TRDN: variants seen among roughly 807,000 people sequenced by gnomAD.
TRDN encodes triadin, also known as triadin in skeletal muscle.
A neutral mutation model predicts 149.7 loss-of-function variants in TRDN; 161 were observed. That is an observed-to-expected ratio of 1.08 (90% CI 0.95 to 1.23). TRDN has a LOEUF of 1.23. TRDN is among the 50% of genes most tolerant of loss of function. The pLI, the probability that TRDN is intolerant of heterozygous loss-of-function variation, is 0.00. For missense variants in TRDN, 896 were observed against 823.5 expected (o/e 1.09, Z -1.08); for synonymous variants, 294 against 250.5 (o/e 1.17, Z -1.64).
intron 20 of TRDN, among the ~76,000 whole-genome samples, chr6:123,358,190 A>G (rs1279030937): frequency 1.3e-5 from 2 of 152,206 alleles, no homozygotes; most frequent in Admixed American, 6.5e-5. Flanking sequence ...TATTTTAGAA[A>G]AAAAAATAGA....
At chr6:123,474,164 C>G (rs1008309434) in intron 9 of TRDN, among the ~76,000 whole-genome samples, 3 of 151,380 alleles carry the variant, frequency 2.0e-5, no homozygotes, top group Non-Finnish European at 2.9e-5. Context: ...TGGATAGAGT[C>G]AAGACCCATC....
At chr6:123,392,289 A>G (rs1772519077) in intron 13 of TRDN, among the ~76,000 whole-genome samples, 1 of 152,046 alleles carries the variant, frequency 6.6e-6, no homozygotes, top group South Asian at 2.1e-4. Flanking sequence ...ATATGAATCA[A>G]ATTTTCAGAT....
chr6:123,493,842 T>C (rs1778323931), intron 9 of TRDN, among the ~76,000 whole-genome samples: 1 of 152,182 alleles, frequency 6.6e-6, no homozygotes, highest in Non-Finnish European at 1.5e-5. Context: ...TAAATCTGTG[T>C]TTCTCATTCC....
At chr6:123,612,152 A>G (rs1348523702) in intron 1 of TRDN, among the ~76,000 whole-genome samples, 1 of 149,388 alleles carries the variant, frequency 6.7e-6, no homozygotes, top group Non-Finnish European at 1.5e-5. Context: ...GCACTTTGGG[A>G]GGCTGAGGTG....
chr6:123,336,258 T>C (rs527329502), intron 22 of TRDN, among the ~76,000 whole-genome samples: 1 of 152,206 alleles, frequency 6.6e-6, no homozygotes, highest in East Asian at 1.9e-4. Context: ...CAGAGATGAC[T>C]TTGACTCTTA....
intron 4 of TRDN, among the ~76,000 whole-genome samples, chr6:123,540,807 C>T (rs760695838): frequency 2.6e-5 from 4 of 152,164 alleles, no homozygotes; most frequent in Non-Finnish European, 5.9e-5. Flanking sequence ...CATGAGCCAC[C>T]GCCAATGTGA....
At chr6:123,408,792 A>G (rs551107665) in intron 12 of TRDN, among the ~76,000 whole-genome samples, 4 of 152,216 alleles carry the variant, frequency 2.6e-5, no homozygotes, top group Non-Finnish European at 5.9e-5. Context: ...GGAAGAGCAT[A>G]TCTTTAAGAG....
chr6:123,448,932 G>A (rs767442769), intron 10 of TRDN, among the ~76,000 whole-genome samples: 8 of 152,076 alleles, frequency 5.3e-5, no homozygotes, highest in African/African-American at 9.7e-5. Context: ...GCCCAGAGCC[G>A]GGTAGACGCG....
intron 11 of TRDN, among the ~76,000 whole-genome samples, chr6:123,438,325 CTT>C (rs34201164): frequency 6.8e-6 from 1 of 147,290 alleles, no homozygotes. Flanking sequence ...GGAAACAGAA[CTT>C]TTTTTTTTTT....
At chr6:123,246,258 A>G (rs1776174388) in intron 38 of TRDN, among the ~76,000 whole-genome samples, 1 of 152,182 alleles carries the variant, frequency 6.6e-6, no homozygotes, top group African/African-American at 2.4e-5. Flanking sequence ...TGAAGGAGAT[A>G]GAGACACAAA....
chr6:123,348,734 A>G (rs1780346861), intron 21 of TRDN, among the ~76,000 whole-genome samples: 1 of 152,130 alleles, frequency 6.6e-6, no homozygotes. Context: ...GAAGGTAAAT[A>G]TTAATCGATA....
At chr6:123,537,948 C>T (rs1266892054) in intron 4 of TRDN, among the ~76,000 whole-genome samples, 1 of 152,070 alleles carries the variant, frequency 6.6e-6, no homozygotes, top group African/African-American at 2.4e-5. Flanking sequence ...CTTACATGGC[C>T]AGTTTAAAGC....
At chr6:123,407,319 G>A (rs1379170795) in intron 12 of TRDN, among the ~76,000 whole-genome samples, 1 of 152,120 alleles carries the variant, frequency 6.6e-6, no homozygotes, top group Non-Finnish European at 1.5e-5. Flanking sequence ...CAGAGTCAGG[G>A]CTCTTCCCCA....
chr6:123,247,731 C>A (rs948742483), intron 38 of TRDN, among the ~76,000 whole-genome samples: 1 of 152,126 alleles, frequency 6.6e-6, no homozygotes, highest in African/African-American at 2.4e-5. Flanking sequence ...ACTTTCTTCA[C>A]AGAATTAGAA....
chr6:123,499,320 C>T (rs1301361979), intron 8 of TRDN, among the ~76,000 whole-genome samples: 1 of 152,052 alleles, frequency 6.6e-6, no homozygotes, highest in Non-Finnish European at 1.5e-5. Context: ...TTCAGAGAGT[C>T]TTCTTTAGCT....
intron 10 of TRDN, among the ~76,000 whole-genome samples, chr6:123,450,444 TCAGACAAGAAAAA>T (rs911556667): frequency 3.9e-5 from 6 of 151,912 alleles, no homozygotes; most frequent in South Asian, 2.1e-4. Context: ...TATTCTTATA[TCAGACAAGAAAAA>T]CAGACAAGAA....
At chr6:123,629,082 C>A (rs1785827082) in intron 1 of TRDN, among the ~76,000 whole-genome samples, 1 of 152,048 alleles carries the variant, frequency 6.6e-6, no homozygotes, top group Non-Finnish European at 1.5e-5. Context: ...TCAGAATAAC[C>A]ATGGGCAAAA....
intron 24 of TRDN, among the ~76,000 whole-genome samples, chr6:123,297,767 A>C (rs1778257474): frequency 6.6e-6 from 1 of 152,076 alleles, no homozygotes; most frequent in South Asian, 2.1e-4. Context: ...AATATGGAGA[A>C]GAATAGAATA....
chr6:123,339,627 C>T (rs1779997296), intron 21 of TRDN, among the ~76,000 whole-genome samples: 1 of 152,082 alleles, frequency 6.6e-6, no homozygotes, highest in Non-Finnish European at 1.5e-5. Flanking sequence ...TTTCAAAGGC[C>T]TCAAATTAAT....
Sources: gnomAD v4.1 joint callset for allele counts (sites outside exome capture counted in the v4.1 genomes callset) on GRCh38, gnomAD v4.1.1 for gene constraint, MANE v1.5 for transcripts, NCBI Gene and HGNC (gene_info 2026-07-23, HGNC 2026-07-21) for gene names.